Variants in STK33 observed in about 807,000 individuals in gnomAD.
STK33 encodes serine/threonine kinase 33.
A neutral mutation model predicts 58.0 loss-of-function variants in STK33; 52 were observed. The observed-to-expected ratio is 0.90, with a 90% CI of 0.72 to 1.13. STK33 has a LOEUF of 1.13. STK33 is among the 50% of genes most tolerant of loss of function. The probability of loss-of-function intolerance (pLI) is 0.00; values close to 1 mark genes in which losing one functional copy is unlikely to be tolerated. For synonymous variants in STK33, 215 were observed against 200.1 expected, an observed-to-expected ratio of 1.07 and a Z score of -0.63; for missense variants, 630 against 604.2, an observed-to-expected ratio of 1.04 and a Z score of -0.45.
chr11:8,592,425 C>T (rs771704139), intron 1 of STK33, among the ~76,000 whole-genome samples: 2 of 152,050 alleles, frequency 1.3e-5, no homozygotes, highest in Admixed American at 6.6e-5. Flanking sequence ...TAAGGAGGTG[C>T]CATTTTTATC....
At chr11:8,593,957 A>C (rs957632083) in intron 1 of STK33, 126 bp downstream of exon 1, 1 of 152,086 alleles carries the variant, frequency 6.6e-6, no homozygotes, top group Non-Finnish European at 1.5e-5. Context: ...GCCGGCCGGC[A>C]GCGAGATACC....
At chr11:8,351,522 G>C in the STK33 span, among the ~76,000 whole-genome samples, 1,536 of 152,300 alleles carry the variant, frequency 0.01, 20 homozygotes, top group African/African-American at 0.034. Flanking sequence ...ATGAGCTCTG[G>C]TGTTATCAGC....
intron 1 of STK33, among the ~76,000 whole-genome samples, chr11:8,582,605 A>C (rs7112416): frequency 0.012 from 1,859 of 152,242 alleles, 38 homozygotes; most frequent in African/African-American, 0.042. Context: ...AATTACCTCC[A>C]CCTGGTCTCT....
intron 15 of STK33, among the ~76,000 whole-genome samples, chr11:8,401,278 C>T (rs1010135442): frequency 1.3e-5 from 2 of 152,026 alleles, no homozygotes; most frequent in East Asian, 1.9e-4. Context: ...GAGATATAGA[C>T]CAATGGAACA....
chr11:8,466,741 A>C (rs1484812154), intron 6 of STK33: 1 of 152,240 alleles, frequency 6.6e-6, no homozygotes, highest in Non-Finnish European at 1.5e-5. Context: ...CTCCCACCCC[A>C]TATTTCCCTT....
intron 1 of STK33, among the ~76,000 whole-genome samples, chr11:8,542,375 A>G (rs140071338): frequency 6.6e-6 from 1 of 152,320 alleles, no homozygotes; most frequent in African/African-American, 2.4e-5. Flanking sequence ...CACAAAATAC[A>G]TTTCAAAAAA....
chr11:8,360,990 T>G, the STK33 span, among the ~76,000 whole-genome samples: 2 of 152,218 alleles, frequency 1.3e-5, no homozygotes, highest in East Asian at 3.8e-4. Flanking sequence ...AAATTAGCGT[T>G]GCATTGAAAA....
At chr11:8,403,671 C>A (rs371693782) in intron 15 of STK33, among the ~76,000 whole-genome samples, 1 of 152,302 alleles carries the variant, frequency 6.6e-6, no homozygotes, top group Non-Finnish European at 1.5e-5. Context: ...ACAAGCCTTC[C>A]TCCAGTTTCA....
the STK33 span, among the ~76,000 whole-genome samples, chr11:8,354,333 T>G: frequency 6.6e-6 from 1 of 151,528 alleles, no homozygotes; most frequent in African/African-American, 2.4e-5. Flanking sequence ...CTCATCCTAT[T>G]TCCCCAGATA....
chr11:8,584,575 A>T (rs1331467137), intron 1 of STK33, among the ~76,000 whole-genome samples: 1 of 152,214 alleles, frequency 6.6e-6, no homozygotes, highest in Non-Finnish European at 1.5e-5. Context: ...CAATGATCAG[A>T]GCAAGACTAT....
At chr11:8,547,333 G>T (rs151021165) in intron 1 of STK33, among the ~76,000 whole-genome samples, 95 of 152,282 alleles carry the variant, frequency 6.2e-4, no homozygotes, top group Non-Finnish European at 1.3e-3. Flanking sequence ...TCCTGCCTCA[G>T]CCTCCCTAGT....
chr11:8,394,506 C>T (rs1157185660), intron 15 of STK33, among the ~76,000 whole-genome samples: 1 of 152,136 alleles, frequency 6.6e-6, no homozygotes, highest in African/African-American at 2.4e-5. Flanking sequence ...ATTCATTTTC[C>T]TTTAATGTGC....
intron 1 of STK33, among the ~76,000 whole-genome samples, chr11:8,536,951 A>T (rs7117851): frequency 0.085 from 2,122 of 24,946 alleles, 132 homozygotes; most frequent in South Asian, 0.14. Flanking sequence ...CCAGCTAATT[A>T]AAAAAAAAAA....
chr11:8,590,683 T>C (rs1170827459), intron 1 of STK33, among the ~76,000 whole-genome samples: 1 of 152,202 alleles, frequency 6.6e-6, no homozygotes, highest in Admixed American at 6.5e-5. Flanking sequence ...TAATTTCTTA[T>C]GCACTTACAA....
Position 8,478,352 on chromosome 11 carries a change from T to C in STK33, c.-260-1069A>G, listed in dbSNP as rs1156903394. 3.9e-5 allele frequency among the ~76,000 whole-genome samples: 6 copies of C among 152,194 alleles called. No individual in the cohort carries two copies. The East Asian group carries it at 1.2e-3, about 29-fold the overall frequency. On this transcript the variant is annotated intron_variant, in intron 2 of 15. Coordinates refer to ENST00000687296, the MANE Select transcript of STK33 (RefSeq NM_001352389.2). ...CTTCTAATACAATAATGTTTCTTTG[T>C]GTCTCCAAAGATTGGACATACATAG...
At chr11:8,557,581 A>C (rs1296896666) in intron 1 of STK33, among the ~76,000 whole-genome samples, 1 of 152,144 alleles carries the variant, frequency 6.6e-6, no homozygotes. Context: ...AACTAGAATA[A>C]GGAACGGAAC....
intron 13 of STK33, 149 bp from the exon 14 acceptor site, chr11:8,435,728 T>C (rs1248979250): frequency 1.9e-5 from 9 of 464,690 alleles, no homozygotes; most frequent in African/African-American, 1.0e-4. Flanking sequence ...CTAATAAATA[T>C]AGTTTAAAGC....
At chr11:8,449,269 C>T (rs956041672) in intron 11 of STK33, among the ~76,000 whole-genome samples, 1 of 151,516 alleles carries the variant, frequency 6.6e-6, no homozygotes, top group African/African-American at 2.4e-5. Context: ...TTGACCCAGC[C>T]ATCCCATTAC....
chr11:8,509,289 T>C (rs1006515066), intron 1 of STK33, among the ~76,000 whole-genome samples: 20 of 152,320 alleles, frequency 1.3e-4, no homozygotes, highest in African/African-American at 2.6e-4. Context: ...AAACCTTCCA[T>C]GTGACTATAG....
Sources: gnomAD v4.1 joint callset for allele counts (sites outside exome capture counted in the v4.1 genomes callset) on GRCh38, gnomAD v4.1.1 for gene constraint, MANE v1.5 for transcripts, NCBI Gene and HGNC (gene_info 2026-07-23, HGNC 2026-07-21) for gene names.